ANO3: variants seen among roughly 807,000 people sequenced by gnomAD.
The protein encoded by ANO3 is anoctamin-3.
ANO3 carries 99 observed loss-of-function variants against 144.8 expected under a neutral mutation model. The ratio of observed to expected loss-of-function variants is 0.68; its 90% CI spans 0.58 to 0.81. The LOEUF is 0.81. ANO3 is among the 30% of genes least tolerant of loss of function. The pLI is 0.00. For synonymous variants in ANO3, 414 were observed against 392.6 expected (o/e 1.05, Z -0.64); for missense variants, 905 against 1,202.2 (o/e 0.75, Z 3.66).
intron 4 of ANO3, among the ~76,000 whole-genome samples, chr11:26,502,007 T>C (rs1396311511): frequency 6.6e-6 from 1 of 152,136 alleles, no homozygotes. Context: ...TTTACTGCAC[T>C]TTGTGTTTTG....
chr11:26,353,238 G>A (rs563419855), intron 1 of ANO3, among the ~76,000 whole-genome samples: 2 of 152,306 alleles, frequency 1.3e-5, no homozygotes, highest in South Asian at 4.1e-4. Context: ...GCTGGTGGGT[G>A]TGGGATTTGG....
At chr11:26,498,197 A>C (rs1460674352) in intron 4 of ANO3, among the ~76,000 whole-genome samples, 4 of 152,036 alleles carry the variant, frequency 2.6e-5, no homozygotes, top group Non-Finnish European at 4.4e-5. Context: ...GATTATGTAG[A>C]TACAACTGTA....
rs551013554 is a variant in ANO3, at chr11:26,476,213, T to C, written c.432+13065T>C. On this transcript the variant is annotated intron_variant, in intron 4 of 26. Transcript: ENST00000256737. ...GCAAAATCCCTAAGTGTGCAAAGCT[T>C]GTAGTCTAGTGGAGGAATAAGAAAA... 5.3e-5 allele frequency among the ~76,000 whole-genome samples: 8 copies of C among 152,278 alleles called. No individual in the cohort carries two copies. The South Asian group carries it at 1.4e-3, about 28-fold the overall frequency.
At chr11:26,506,484 C>G (rs534458075) in intron 4 of ANO3, among the ~76,000 whole-genome samples, 1 of 152,156 alleles carries the variant, frequency 6.6e-6, no homozygotes, top group African/African-American at 2.4e-5. Flanking sequence ...TAAGTGATAG[C>G]TACTATTGTC....
chr11:26,534,056 G>T (rs1334033497), intron 8 of ANO3, among the ~76,000 whole-genome samples: 2 of 152,194 alleles, frequency 1.3e-5, no homozygotes, highest in South Asian at 4.1e-4. Context: ...CAAGGGAAAG[G>T]TAGGATGATT....
intron 14 of ANO3, chr11:26,563,214 C>A: frequency 3.1e-6 from 5 of 1,611,954 alleles, no homozygotes; most frequent in Non-Finnish European, 4.2e-6. Flanking sequence ...CAATGAGACA[C>A]CCAGAATAGC....
chr11:26,328,596 A>G (rs1854951026), upstream of ANO3, among the ~76,000 whole-genome samples: 1 of 152,080 alleles, frequency 6.6e-6, no homozygotes, highest in South Asian at 2.1e-4. Context: ...TGTAAACATC[A>G]GAGTTTCTTA....
At chr11:26,408,688 T>C (rs375012696) in intron 1 of ANO3, among the ~76,000 whole-genome samples, 60 of 150,172 alleles carry the variant, frequency 4.0e-4, no homozygotes, top group South Asian at 8.6e-4. Context: ...ATGTTTATTG[T>C]GGCACTATTC....
chr11:26,354,982 C>A (rs1332463606), intron 1 of ANO3, among the ~76,000 whole-genome samples: 1 of 148,560 alleles, frequency 6.7e-6, no homozygotes, highest in Non-Finnish European at 1.5e-5. Flanking sequence ...ATAATGTTTT[C>A]TTGTACTCAA....
At chr11:26,634,936 A>G (rs1852902680) in intron 19 of ANO3, 77 bp from the exon 20 acceptor site, 22 of 1,184,352 alleles carry the variant, frequency 1.9e-5, no homozygotes, top group South Asian at 1.8e-4. Context: ...CCACACATGC[A>G]CTCGTTGTGA....
intron 1 of ANO3, among the ~76,000 whole-genome samples, chr11:26,323,526 T>C (rs1296925514): frequency 6.6e-6 from 1 of 152,106 alleles, no homozygotes; most frequent in Non-Finnish European, 1.5e-5. Flanking sequence ...TATGGGTCTG[T>C]GATTCAAGAG....
At chr11:26,190,987 T>C (rs1851464631) in intron 1 of ANO3, among the ~76,000 whole-genome samples, 3 of 152,180 alleles carry the variant, frequency 2.0e-5, no homozygotes, top group Non-Finnish European at 4.4e-5. Context: ...ATATCTATCT[T>C]CTCTACCTCT....
At chr11:26,603,394 T>A (rs1192787585) in intron 17 of ANO3, among the ~76,000 whole-genome samples, 2 of 152,204 alleles carry the variant, frequency 1.3e-5, no homozygotes, top group African/African-American at 2.4e-5. Flanking sequence ...AAACCTTTTT[T>A]AAAATTAATT....
chr11:26,439,916 G>A (rs189845043), intron 1 of ANO3, among the ~76,000 whole-genome samples: 1,749 of 152,034 alleles, frequency 0.012, 17 homozygotes, highest in Non-Finnish European at 0.018. Flanking sequence ...CTTTTAAAAT[G>A]AGAACATTTT....
intron 1 of ANO3, among the ~76,000 whole-genome samples, chr11:26,382,840 T>G (rs187164050): frequency 6.6e-6 from 1 of 152,304 alleles, no homozygotes; most frequent in Non-Finnish European, 1.5e-5. Flanking sequence ...ATTGGAGAGA[T>G]GTCAAAGAGT....
At chr11:26,622,850 A>G (rs182680677) in intron 17 of ANO3, among the ~76,000 whole-genome samples, 30 of 152,354 alleles carry the variant, frequency 2.0e-4, no homozygotes, top group African/African-American at 7.2e-4. Flanking sequence ...GCACAAGCCA[A>G]ATGGCAATTA....
chr11:26,421,667 T>C (rs970291295), intron 1 of ANO3, among the ~76,000 whole-genome samples: 2 of 152,040 alleles, frequency 1.3e-5, no homozygotes, highest in Non-Finnish European at 2.9e-5. Flanking sequence ...CACATGTATG[T>C]TCATTGCAGC....
chr11:26,324,424 A>C (rs1021437746), intron 1 of ANO3, among the ~76,000 whole-genome samples: 15 of 152,204 alleles, frequency 9.9e-5, no homozygotes, highest in African/African-American at 3.4e-4. Context: ...GAAGTGGAAG[A>C]TTTAATTGTA....
chr11:26,554,762 A>C (rs959738077), intron 13 of ANO3, among the ~76,000 whole-genome samples: 5 of 152,100 alleles, frequency 3.3e-5, no homozygotes, highest in Non-Finnish European at 7.3e-5. Context: ...AGTACTGCCT[A>C]GGTTATTCTT....
Sources: allele counts gnomAD v4.1 joint callset (sites outside exome capture counted in the v4.1 genomes callset), GRCh38; gene constraint gnomAD v4.1.1; transcripts MANE v1.5; gene names NCBI Gene and HGNC (gene_info 2026-07-23, HGNC 2026-07-21).